The following ANKRD12 variants were observed in gnomAD, a reference collection of about 807,000 sequenced individuals.
ANKRD12 encodes the protein ankyrin repeat domain 12.
ANKRD12 carries 85 observed loss-of-function variants against 183.4 expected under a neutral mutation model. That is an observed-to-expected ratio of 0.46 (90% confidence interval 0.39 to 0.56). ANKRD12 has a LOEUF of 0.56. Ranked by LOEUF, ANKRD12 falls within the 20% of genes least tolerant of loss-of-function variation. The pLI is 0.00. For synonymous variants in ANKRD12, 914 were observed against 800.2 expected, an observed-to-expected ratio of 1.14 and a Z score of -2.40; for missense variants, 2,405 against 2,357.1, an observed-to-expected ratio of 1.02 and a Z score of -0.42.
At chr18:9,197,625 A>G (rs1246402028) in intron 3 of ANKRD12, among the ~76,000 whole-genome samples, 1 of 152,114 alleles carries the variant, frequency 6.6e-6, no homozygotes, top group African/African-American at 2.4e-5. Flanking sequence ...ATGACGTGTT[A>G]TATTATTATA....
intron 1 of ANKRD12, among the ~76,000 whole-genome samples, chr18:9,145,037 T>C (rs1404754212): frequency 6.6e-6 from 1 of 152,318 alleles, no homozygotes; most frequent in East Asian, 1.9e-4. Flanking sequence ...TTCTTGAATT[T>C]GAAAGTATTT....
At chr18:9,271,538 T>C (rs2039606432) in intron 10 of ANKRD12, among the ~76,000 whole-genome samples, 1 of 151,974 alleles carries the variant, frequency 6.6e-6, no homozygotes, top group African/African-American at 2.4e-5. Context: ...AAAATTTTTT[T>C]ATAGAGTTGG....
At chr18:9,245,622 A>G (rs2037918465) in intron 8 of ANKRD12, among the ~76,000 whole-genome samples, 1 of 152,220 alleles carries the variant, frequency 6.6e-6, no homozygotes, top group African/African-American at 2.4e-5. Context: ...GACAAACACA[A>G]ATCACATTTG....
At chr18:9,186,667 A>G (rs1429076923) in intron 2 of ANKRD12, among the ~76,000 whole-genome samples, 2 of 151,896 alleles carry the variant, frequency 1.3e-5, no homozygotes, top group South Asian at 4.2e-4. Context: ...CCTTTTTAAG[A>G]CAAAGTGAAG....
rs966176809 is a variant in ANKRD12, at chr18:9,285,238, T to C, written c.*4112T>C. 7.1e-6 allele frequency: 1 copy of C among 140,248 alleles called. No individual in the cohort carries two copies. Among genetic ancestry groups the C allele is most frequent in the African/African-American group, 2.7e-5 (1 of 37,536 alleles). 8.7% of individuals were successfully genotyped at this position (140,248 alleles called of 1,614,324 possible). ...AAAAAAAAAAAGAAAGAAAAGAAAA[T>C]AGGCCAATATGGTGAAACCCTTTCT... is the stretch of plus-strand genomic sequence containing the variant. On this transcript the variant is annotated 3_prime_UTR_variant, in exon 13 of 13. Transcript: ENST00000262126.
chr18:9,274,761 A>G (rs1007928222), intron 10 of ANKRD12, among the ~76,000 whole-genome samples: 1 of 152,220 alleles, frequency 6.6e-6, no homozygotes, highest in Non-Finnish European at 1.5e-5. Context: ...GGAGTTCTCA[A>G]ATTTCTCAAG....
At chr18:9,197,517 A>G (rs1356782133) in intron 3 of ANKRD12, among the ~76,000 whole-genome samples, 2 of 152,180 alleles carry the variant, frequency 1.3e-5, no homozygotes, top group African/African-American at 2.4e-5. Flanking sequence ...CTTAACTACT[A>G]ATAGCCTGCT....
At chr18:9,192,635 C>G (rs1326072253) in intron 2 of ANKRD12, among the ~76,000 whole-genome samples, 4 of 151,772 alleles carry the variant, frequency 2.6e-5, no homozygotes. Flanking sequence ...GGTTAAAACT[C>G]TATTGTAAAA....
intron 8 of ANKRD12, among the ~76,000 whole-genome samples, chr18:9,229,043 C>T (rs376373490): frequency 6.6e-6 from 1 of 152,058 alleles, no homozygotes; most frequent in Non-Finnish European, 1.5e-5. Context: ...TCCAGTCTTC[C>T]CAGCACCATT....
intron 7 of ANKRD12, among the ~76,000 whole-genome samples, chr18:9,221,084 ATTTTT>A (rs1292116367): frequency 6.6e-6 from 1 of 152,136 alleles, no homozygotes; most frequent in Non-Finnish European, 1.5e-5. Context: ...TAATACCATT[ATTTTT>A]TTAAGGTGCA....
At chr18:9,226,940 G>GC (rs1189745948) in intron 8 of ANKRD12, among the ~76,000 whole-genome samples, 2 of 152,074 alleles carry the variant, frequency 1.3e-5, no homozygotes, top group East Asian at 3.9e-4. Context: ...GTAATTAAAG[G>GC]CAATACCTGC....
intron 7 of ANKRD12, 145 bp downstream of exon 7, chr18:9,217,045 T>G (rs1297709657): frequency 5.3e-6 from 4 of 757,504 alleles, no homozygotes; most frequent in Non-Finnish European, 8.2e-6. Flanking sequence ...GTTTTCCCTT[T>G]TTTCTACTAA....
chr18:9,222,677 C>T (rs1188446748), intron 8 of ANKRD12, among the ~76,000 whole-genome samples: 1 of 152,050 alleles, frequency 6.6e-6, no homozygotes, highest in African/African-American at 2.4e-5. Context: ...TTTTATATTA[C>T]ACATGAGGGA....
At chr18:9,233,065 T>C (rs1567945856) in intron 8 of ANKRD12, among the ~76,000 whole-genome samples, 1 of 152,128 alleles carries the variant, frequency 6.6e-6, no homozygotes, top group Non-Finnish European at 1.5e-5. Flanking sequence ...TTGGCCAGGC[T>C]GCTCTCGAAC....
At chr18:9,273,116 G>A (rs1475781775) in intron 10 of ANKRD12, among the ~76,000 whole-genome samples, 2 of 152,112 alleles carry the variant, frequency 1.3e-5, no homozygotes, top group African/African-American at 2.4e-5. Flanking sequence ...GCTAGCTACA[G>A]GTCCCAGGGT....
intron 12 of ANKRD12, among the ~76,000 whole-genome samples, chr18:9,279,912 T>A (rs2040028769): frequency 6.6e-6 from 1 of 152,156 alleles, no homozygotes; most frequent in Non-Finnish European, 1.5e-5. Context: ...GGTTATAGCT[T>A]GAACATAACG....
chr18:9,245,207 TG>T (rs1404785156), intron 8 of ANKRD12, among the ~76,000 whole-genome samples: 1 of 151,264 alleles, frequency 6.6e-6, no homozygotes, highest in Non-Finnish European at 1.5e-5. Flanking sequence ...CCCAGCCCTT[TG>T]GGAGGCCAAA....
At chr18:9,277,771 A>G (rs1214228790) in intron 11 of ANKRD12, among the ~76,000 whole-genome samples, 8 of 132,256 alleles carry the variant, frequency 6.0e-5, no homozygotes, top group Non-Finnish European at 1.4e-4. Flanking sequence ...AGATGAAAAC[A>G]TATTGGTAAT....
In ANKRD12 at chr18:9,256,860, G is replaced by T; in HGVS notation, c.3593G>T (p.Gly1198Val). The T allele has an allele frequency of 6.2e-7, 1 of 1,613,962 alleles. No homozygotes were observed. The highest frequency in any genetic ancestry group is 8.5e-7 in the Non-Finnish European group (1 of 1,179,960). ...CCTAGATCAGAAAATGAAAAGCCGG[G>T]TCTCAGCTCCAGATCTGTATCCATG... The part of the protein sequence containing the change: ...RSPRSENEKP[G>V]LSSRSVSMIS... Residue 1198 changes from glycine to valine, a missense_variant, in exon 9 of 13, where the codon GGT becomes GTT. This residue lies in a region of ANKRD12 where 1,983 missense variants were observed against 1,725.9 expected (regional missense o/e 1.15). Coordinates refer to ENST00000262126, the MANE Select transcript of ANKRD12 (RefSeq NM_015208.5).
Sources: allele counts gnomAD v4.1 joint callset (sites outside exome capture counted in the v4.1 genomes callset), GRCh38; gene constraint gnomAD v4.1.1; regional missense constraint gnomAD v4.1.1; transcripts MANE v1.5; gene names NCBI Gene and HGNC (gene_info 2026-07-23, HGNC 2026-07-21).